CXXC5: variants seen among roughly 807,000 people sequenced by gnomAD.
The protein encoded by CXXC5 is CXXC finger protein 5.
A neutral mutation model predicts 17.6 loss-of-function variants in CXXC5; 2 were observed. That is an observed-to-expected ratio of 0.11 (90% CI 0.05 to 0.36). CXXC5 has a LOEUF of 0.36. Among genes scored for constraint, CXXC5 ranks in the 10% least tolerant of loss-of-function variants. The pLI, the probability that CXXC5 is intolerant of heterozygous loss-of-function variation, is 1.00. For missense variants in CXXC5, 343 were observed against 458.3 expected (o/e 0.75, Z 2.30); for synonymous variants, 171 against 193.0 (o/e 0.89, Z 0.94).
At chr5:139,654,060 A>G (rs1472002131) in intron 1 of CXXC5, among the ~76,000 whole-genome samples, 1 of 152,116 alleles carries the variant, frequency 6.6e-6, no homozygotes, top group African/African-American at 2.4e-5. Flanking sequence ...GGCTCTGGGT[A>G]GACCAAGCAG....
chr5:139,671,156 C>T (rs905219513), intron 1 of CXXC5, among the ~76,000 whole-genome samples: 1 of 152,232 alleles, frequency 6.6e-6, no homozygotes, highest in Non-Finnish European at 1.5e-5. Flanking sequence ...ACTGTGTACA[C>T]CACTTTAGGC....
At chr5:139,677,941 G>A (rs1181378979) in intron 1 of CXXC5, among the ~76,000 whole-genome samples, 4 of 152,274 alleles carry the variant, frequency 2.6e-5, no homozygotes, top group Non-Finnish European at 5.9e-5. Context: ...CTGGGAGGAG[G>A]GAGGGGGTGA....
At chr5:139,669,537 A>G (rs1581601583) in intron 1 of CXXC5, among the ~76,000 whole-genome samples, 1 of 151,868 alleles carries the variant, frequency 6.6e-6, no homozygotes. Context: ...CATGGCTCAC[A>G]CCTGCCAGGA....
At chr5:139,664,199 T>A (rs748853733) in intron 1 of CXXC5, among the ~76,000 whole-genome samples, 6 of 151,786 alleles carry the variant, frequency 4.0e-5, no homozygotes, top group Admixed American at 3.3e-4. Flanking sequence ...GGTGGATGGG[T>A]GGGTGGGGGA....
chr5:139,667,910 G>C (rs1756199534), intron 1 of CXXC5, among the ~76,000 whole-genome samples: 2 of 152,224 alleles, frequency 1.3e-5, no homozygotes, highest in Non-Finnish European at 2.9e-5. Flanking sequence ...GGCCCCAGCA[G>C]CTGCGGTGGC....
chr5:139,648,249 T>G (rs1342016488), upstream of CXXC5: 5 of 15,324 alleles, frequency 3.3e-4, no homozygotes, highest in Non-Finnish European at 4.0e-4. Context: ...GGAGCCGAGG[T>G]GGAGGGGGTT....
intron 1 of CXXC5, among the ~76,000 whole-genome samples, chr5:139,667,947 G>A (rs904764555): frequency 6.6e-6 from 1 of 152,130 alleles, no homozygotes; most frequent in Non-Finnish European, 1.5e-5. Context: ...GAGCTCTGGT[G>A]TGCTGAAAAG....
intron 1 of CXXC5, among the ~76,000 whole-genome samples, chr5:139,651,860 C>A (rs1402027036): frequency 1.3e-5 from 2 of 152,074 alleles, no homozygotes; most frequent in Non-Finnish European, 2.9e-5. Flanking sequence ...CCTAATTGAA[C>A]AAGAATGGGG....
chr5:139,673,693 T>C (rs1756608165), intron 1 of CXXC5, among the ~76,000 whole-genome samples: 1 of 151,900 alleles, frequency 6.6e-6, no homozygotes, highest in African/African-American at 2.4e-5. Context: ...AATACAAAAA[T>C]TAGCCAGGTG....
In CXXC5 at chr5:139,681,051, G is replaced by T. The variant is rs1757188733; in HGVS notation, c.528G>T (p.Val176=). 6.2e-7 allele frequency: 1 copy of T among 1,611,400 alleles called. No homozygotes were observed. Among genetic ancestry groups the T allele is most frequent in the African/African-American group, 1.3e-5 (1 of 75,080 alleles). Residue 176 remains valine, a synonymous_variant, in exon 2 of 3, where the codon GTG becomes GTT. Transcript: ENST00000302517. The part of the protein sequence containing the change: ...AQSTEMLKRV[V]QEHLPLMSEA... ...CCACAGAGATGCTGAAGCGCGTGGT[G>T]CAGGAGCATCTCCCGCTGATGAGCG...
intron 2 of CXXC5, 91 bp from the exon 3 acceptor site, chr5:139,682,772 A>G: frequency 9.1e-6 from 12 of 1,321,074 alleles, no homozygotes; most frequent in Non-Finnish European, 1.2e-5. Flanking sequence ...TCCCTCCGCC[A>G]TGAGGCCATC....
At chr5:139,652,848 G>T (rs1755284193) in intron 1 of CXXC5, among the ~76,000 whole-genome samples, 1 of 152,162 alleles carries the variant, frequency 6.6e-6, no homozygotes, top group African/African-American at 2.4e-5. Flanking sequence ...TGATTTGTGT[G>T]TATCTGTGTG....
chr5:139,659,024 C>T (rs1755634880), intron 1 of CXXC5, among the ~76,000 whole-genome samples: 1 of 152,124 alleles, frequency 6.6e-6, no homozygotes, highest in Non-Finnish European at 1.5e-5. Context: ...GTGAAGGGAC[C>T]TGCAGTCAAC....
At chr5:139,660,288 G>C (rs1319576091) in intron 1 of CXXC5, among the ~76,000 whole-genome samples, 1 of 152,218 alleles carries the variant, frequency 6.6e-6, no homozygotes, top group South Asian at 2.1e-4. Flanking sequence ...CAGGAATCCG[G>C]GTTGTGCCCG....
chr5:139,667,149 T>G (rs1180828061), intron 1 of CXXC5, among the ~76,000 whole-genome samples: 1 of 152,214 alleles, frequency 6.6e-6, no homozygotes, highest in Non-Finnish European at 1.5e-5. Context: ...GTTCTGGGTT[T>G]CTTCAAGGTC....
In CXXC5 at chr5:139,661,541, C is replaced by T. The variant is rs1755813124; in HGVS notation, c.-161+12696C>T. ...AGCCTCTGGCACACACACCCACTGGCACGTACCTAGGCGAATGCACATACA... is the reference window on the plus strand; with the variant it reads ...AGCCTCTGGCACACACACCCACTGGTACGTACCTAGGCGAATGCACATACA... On this transcript the variant is annotated intron_variant, in intron 1 of 2. Coordinates refer to ENST00000302517, the MANE Select transcript of CXXC5 (RefSeq NM_016463.9). The surrounding 1 kb of genome is among the most constrained non-coding windows in gnomAD (Gnocchi z 4.7). Among the ~76,000 whole-genome samples the T allele has an allele frequency of 6.6e-6, 1 of 152,220 alleles. No homozygotes were observed. The highest frequency in any genetic ancestry group is 1.5e-5 in the Non-Finnish European group (1 of 68,036).
Position 139,682,782 on chromosome 5 carries a change from C to G in CXXC5, c.925-81C>G, listed in dbSNP as rs1757319842. 5.0e-6 allele frequency: 7 copies of G among 1,387,100 alleles called. No homozygotes were observed. The South Asian group carries it at 9.8e-5, about 20-fold the overall frequency. The allele number at this position is 1,387,100 out of a possible 1,614,324, so 85.9% of individuals were successfully genotyped here. ...GCCTGTCCCTCCGCCATGAGGCCAT[C>G]CATGGGGGAACGTCTTTGCTCCAGG... is the stretch of plus-strand genomic sequence containing the variant. On this transcript the variant is annotated intron_variant, in intron 2 of 2. Coordinates refer to ENST00000302517, the MANE Select transcript of CXXC5 (RefSeq NM_016463.9).
chr5:139,670,676 A>G lies in CXXC5; in HGVS notation c.-160-9688A>G, dbSNP rs927820106. On this transcript the variant is annotated intron_variant, in intron 1 of 2. Transcript: ENST00000302517. The surrounding 1 kb of genome is among the most constrained non-coding windows in gnomAD (Gnocchi z 4.2). ...TCACCACGTAAACCACCCTATTCGC[A>G]CACACGTGCACTTGGACATCCATGT... Among the ~76,000 whole-genome samples, 1 of 152,238 alleles carries G rather than the reference A, an allele frequency of 6.6e-6. No homozygotes were observed. The highest frequency in any genetic ancestry group is 1.5e-5 in the Non-Finnish European group (1 of 68,048).
At position 139,670,041 on chromosome 5, in the gene CXXC5, C is replaced by T. The variant is rs538330292; in HGVS notation, c.-160-10323C>T. ...GGGGGGTTCTGCAGCACTGTGGCGG[C>T]GGCTCCTCTCCAGGCGCCCAGCTGT... is the stretch of plus-strand genomic sequence containing the variant. On this transcript the variant is annotated intron_variant, in intron 1 of 2. Transcript: ENST00000302517. The surrounding 1 kb of genome is among the most constrained non-coding windows in gnomAD (Gnocchi z 4.2). Among the ~76,000 whole-genome samples, 34 of 152,314 alleles carry T rather than the reference C, an allele frequency of 2.2e-4. No individual in the cohort carries two copies. Among genetic ancestry groups the T allele is most frequent in the Middle Eastern group, 3.4e-3 (1 of 294 alleles).
Sources: allele counts gnomAD v4.1 joint callset (sites outside exome capture counted in the v4.1 genomes callset), GRCh38; gene constraint gnomAD v4.1.1; non-coding constraint Gnocchi (gnomAD v3.1); transcripts MANE v1.5; gene names NCBI Gene and HGNC (gene_info 2026-07-23, HGNC 2026-07-21).